ADGRG6: variants seen among roughly 807,000 people sequenced by gnomAD.
ADGRG6 encodes the protein G-protein coupled receptor 126.
Under a neutral mutation model 142.4 loss-of-function variants are expected in ADGRG6, and 84 were observed. The observed-to-expected ratio is 0.59, with a 90% CI of 0.49 to 0.71. The LOEUF is 0.71. Ranked by LOEUF, ADGRG6 falls within the 30% of genes least tolerant of loss-of-function variation. The pLI is 0.00. For missense variants in ADGRG6, 1,367 were observed against 1,466.6 expected, an observed-to-expected ratio of 0.93 and a Z score of 1.11; for synonymous variants, 521 against 520.5, an observed-to-expected ratio of 1.00 and a Z score of -0.01.
chr6:142,443,445 A>T lies in ADGRG6; in HGVS notation c.3683A>T (p.Asn1228Ile). Residue 1228 changes from asparagine (N) to isoleucine (I), a missense_variant, in exon 25 of 25, where the codon AAT (asparagine) becomes ATT (isoleucine). By Grantham distance (149) the Asn-to-Ile change is moderately radical (BLOSUM62 -3). Coordinates refer to ENST00000367609, the MANE Select transcript of ADGRG6 (RefSeq NM_198569.3). ...QVIDKVKGYC[N>I]AHSDNFYKNI... Reference sequence around the variant, plus strand: ...ATTGATAAGGTCAAGGGTTATTGCAATGCTCATTCAGACAACTTCTATAAA... The same window carrying T: ...ATTGATAAGGTCAAGGGTTATTGCATTGCTCATTCAGACAACTTCTATAAA... 6.2e-7 allele frequency: 1 copy of T among 1,611,520 alleles called. No homozygotes were observed. The highest frequency in any genetic ancestry group is 8.5e-7 in the Non-Finnish European group (1 of 1,177,876).
chr6:142,395,200 TG>T (rs1229098052), intron 9 of ADGRG6, among the ~76,000 whole-genome samples: 3 of 152,162 alleles, frequency 2.0e-5, no homozygotes, highest in African/African-American at 7.2e-5. Context: ...TTTTATTTTC[TG>T]GTATTATAAT....
chr6:142,410,278 A>G (rs1776014722), intron 17 of ADGRG6, among the ~76,000 whole-genome samples: 1 of 152,134 alleles, frequency 6.6e-6, no homozygotes, highest in Non-Finnish European at 1.5e-5. Context: ...TGAGGGGATT[A>G]TTTGATATGT....
chr6:142,380,344 T>A (rs985505666), intron 4 of ADGRG6, among the ~76,000 whole-genome samples: 2 of 151,770 alleles, frequency 1.3e-5, no homozygotes, highest in Non-Finnish European at 2.9e-5. Context: ...AGAGGAGGAG[T>A]CCATTCAGAT....
intron 4 of ADGRG6, 116 bp downstream of exon 4, chr6:142,370,909 TAGAC>T: frequency 4.1e-6 from 4 of 977,490 alleles, no homozygotes; most frequent in Non-Finnish European, 6.2e-6. Flanking sequence ...TTCACACATA[TAGAC>T]ATATATATAT....
intron 22 of ADGRG6, among the ~76,000 whole-genome samples, chr6:142,421,985 A>G (rs927226655): frequency 2.0e-5 from 3 of 152,168 alleles, no homozygotes; most frequent in Admixed American, 6.6e-5. Context: ...ATGGAAATTT[A>G]CTTAATGGTT....
chr6:142,338,167 C>A (rs1249224024), intron 2 of ADGRG6, among the ~76,000 whole-genome samples: 1 of 151,290 alleles, frequency 6.6e-6, no homozygotes, highest in Non-Finnish European at 1.5e-5. Flanking sequence ...ACTACAGGCG[C>A]CTGCCACTAC....
chr6:142,366,516 T>A (rs997007055), intron 2 of ADGRG6, among the ~76,000 whole-genome samples: 1 of 152,198 alleles, frequency 6.6e-6, no homozygotes, highest in Non-Finnish European at 1.5e-5. Context: ...TCTCTCTTTA[T>A]CCTTTGCTTT....
At chr6:142,357,697 A>G (rs1583030928) in intron 2 of ADGRG6, among the ~76,000 whole-genome samples, 1 of 152,128 alleles carries the variant, frequency 6.6e-6, no homozygotes, top group Non-Finnish European at 1.5e-5. Flanking sequence ...ATATTCTCCC[A>G]ACTTATTGGG....
At chr6:142,385,242 C>T (rs188184658) in intron 6 of ADGRG6, among the ~76,000 whole-genome samples, 2 of 152,148 alleles carry the variant, frequency 1.3e-5, no homozygotes, top group Non-Finnish European at 2.9e-5. Flanking sequence ...CCATCTCTCT[C>T]TGCGTCATAA....
intron 2 of ADGRG6, among the ~76,000 whole-genome samples, chr6:142,351,109 C>T (rs1409718428): frequency 2.0e-5 from 3 of 152,084 alleles, no homozygotes; most frequent in Middle Eastern, 3.4e-3. Flanking sequence ...GGCATGGTGG[C>T]GGGCACCTGT....
chr6:142,440,669 T>C (rs539436013), intron 24 of ADGRG6, among the ~76,000 whole-genome samples: 1 of 152,266 alleles, frequency 6.6e-6, no homozygotes, highest in South Asian at 2.1e-4. Context: ...GCTAAATGGG[T>C]TCTTGTCAAC....
chr6:142,400,079 G>A (rs1369894952), intron 10 of ADGRG6, among the ~76,000 whole-genome samples: 3 of 152,010 alleles, frequency 2.0e-5, no homozygotes, highest in Non-Finnish European at 4.4e-5. Flanking sequence ...CACTATTGAG[G>A]CATCATTTCT....
intron 5 of ADGRG6, among the ~76,000 whole-genome samples, chr6:142,382,975 A>G (rs533998400): frequency 7.9e-5 from 12 of 151,422 alleles, no homozygotes; most frequent in African/African-American, 2.9e-4. Context: ...ATTAATCAAT[A>G]CCCTATGAAA....
intron 22 of ADGRG6, among the ~76,000 whole-genome samples, chr6:142,431,580 T>C (rs1172913963): frequency 6.6e-6 from 1 of 152,090 alleles, no homozygotes; most frequent in Admixed American, 6.5e-5. Context: ...TCCAGAAAGC[T>C]AGAACAGCAT....
chr6:142,320,564 G>C (rs1038262249), intron 2 of ADGRG6, among the ~76,000 whole-genome samples: 2 of 152,040 alleles, frequency 1.3e-5, no homozygotes, highest in Admixed American at 1.3e-4. Context: ...CTGAGGCTTT[G>C]TTCCTTGTGA....
At chr6:142,418,590 G>A (rs1011531132) in intron 21 of ADGRG6, among the ~76,000 whole-genome samples, 1 of 152,124 alleles carries the variant, frequency 6.6e-6, no homozygotes, top group Non-Finnish European at 1.5e-5. Context: ...AATTTTAGAA[G>A]TATGTTCATC....
intron 2 of ADGRG6, among the ~76,000 whole-genome samples, chr6:142,362,482 A>G (rs1475865961): frequency 6.6e-6 from 1 of 152,198 alleles, no homozygotes; most frequent in African/African-American, 2.4e-5. Context: ...GCTTTAAGAA[A>G]GACCCTCCTC....
chr6:142,439,435 T>A (rs1324328195), intron 24 of ADGRG6, among the ~76,000 whole-genome samples: 3 of 152,230 alleles, frequency 2.0e-5, no homozygotes, highest in African/African-American at 7.2e-5. Flanking sequence ...GTAAGGTGTG[T>A]GATGTGTCTG....
chr6:142,325,073 C>T (rs1554231966), intron 2 of ADGRG6, among the ~76,000 whole-genome samples: 5 of 152,088 alleles, frequency 3.3e-5, no homozygotes, highest in Non-Finnish European at 5.9e-5. Flanking sequence ...TACAAATCCT[C>T]GTAGCTCATT....
Sources: gnomAD v4.1 joint callset for allele counts (sites outside exome capture counted in the v4.1 genomes callset) on GRCh38, gnomAD v4.1.1 for gene constraint, MANE v1.5 for transcripts, NCBI Gene and HGNC (gene_info 2026-07-23, HGNC 2026-07-21) for gene names.